Variants in CEP85L observed in about 807,000 individuals in gnomAD.
CEP85L encodes the protein centrosomal protein 85L, also known as centrosomal protein of 85 kDa-like.
Under a neutral mutation model 100.3 loss-of-function variants are expected in CEP85L, and 60 were observed. The observed-to-expected ratio is 0.60, with a 90% CI of 0.49 to 0.74. The LOEUF (loss-of-function observed/expected upper bound fraction) is 0.74. Among genes scored for constraint, CEP85L ranks in the 30% least tolerant of loss-of-function variants. The pLI is 0.00. For synonymous variants in CEP85L, 319 were observed against 322.7 expected (o/e 0.99, Z 0.12); for missense variants, 973 against 936.2 (o/e 1.04, Z -0.51).
intron 3 of CEP85L, among the ~76,000 whole-genome samples, chr6:118,557,474 G>A (rs1778944999): frequency 6.6e-6 from 1 of 152,108 alleles, no homozygotes; most frequent in Non-Finnish European, 1.5e-5. Flanking sequence ...GTATGTGTGG[G>A]GCTTGCATAT....
Position 118,651,430 on chromosome 6 carries a change from G to C in CEP85L, c.-161C>G, listed in dbSNP as rs1269082639. 1.5e-6 allele frequency: 2 copies of C among 1,338,022 alleles called. No individual in the cohort carries two copies. Among genetic ancestry groups the C allele is most frequent in the Non-Finnish European group, 1.9e-6 (2 of 1,048,508 alleles). 82.9% of individuals were successfully genotyped at this position (1,338,022 alleles called of 1,614,324 possible). ...ACGGCTGCTCAGCTACGGGCGGGGA[G>C]CGCAGGGGCCAGATTCGCCGCACTG... On this transcript the variant is annotated 5_prime_UTR_variant, in exon 1 of 13. Transcript: ENST00000368491.
chr6:118,491,081 A>G (rs952147596), intron 6 of CEP85L, among the ~76,000 whole-genome samples: 1 of 152,010 alleles, frequency 6.6e-6, no homozygotes, highest in African/African-American at 2.4e-5. Context: ...CTCTACTTTT[A>G]GTTGTTTAAG....
rs1468546118 is a variant in CEP85L at position 118,465,381 on chromosome 6, T to C, written c.*24A>G. The stretch of plus-strand genomic sequence containing the variant: ...CAGCAGCATTTAAACAACAGGTCAT[T>C]ATTGCTGTGGGACTAACACTTGATC... On this transcript the variant is annotated 3_prime_UTR_variant, in exon 13 of 13. Coordinates refer to ENST00000368491, the MANE Select transcript of CEP85L (RefSeq NM_001042475.3). 1 of 1,607,278 alleles carries C rather than the reference T, an allele frequency of 6.2e-7. No homozygotes were observed. Among genetic ancestry groups the C allele is most frequent in the Non-Finnish European group, 8.5e-7 (1 of 1,175,746 alleles).
At chr6:118,515,764 A>G (rs1371573848) in intron 4 of CEP85L, among the ~76,000 whole-genome samples, 1 of 152,168 alleles carries the variant, frequency 6.6e-6, no homozygotes, top group Non-Finnish European at 1.5e-5. Context: ...TTTATTTTTT[A>G]TTTTATTATA....
chr6:118,496,584 A>T (rs1774942798), intron 5 of CEP85L, among the ~76,000 whole-genome samples: 2 of 151,386 alleles, frequency 1.3e-5, no homozygotes, highest in African/African-American at 4.9e-5. Context: ...CGAACTCCTG[A>T]CCTCGTGATC....
At chr6:118,617,224 T>C (rs942996611) in intron 2 of CEP85L, among the ~76,000 whole-genome samples, 1 of 152,096 alleles carries the variant, frequency 6.6e-6, no homozygotes, top group African/African-American at 2.4e-5. Context: ...GTATAATATA[T>C]GCTTAAAATA....
intron 3 of CEP85L, among the ~76,000 whole-genome samples, chr6:118,560,985 T>G (rs1382292532): frequency 3.3e-5 from 5 of 152,188 alleles, no homozygotes; most frequent in Non-Finnish European, 7.3e-5. Context: ...TAAAACATGG[T>G]TACTAAAAGA....
chr6:118,636,689 C>T (rs140532765), intron 1 of CEP85L, among the ~76,000 whole-genome samples: 18 of 152,340 alleles, frequency 1.2e-4, no homozygotes, highest in African/African-American at 4.1e-4. Context: ...ATCCCCTAAG[C>T]AGAAGAGAAT....
chr6:118,559,027 T>C, intron 3 of CEP85L: 1 of 1,610,590 alleles, frequency 6.2e-7, no homozygotes, highest in Non-Finnish European at 8.5e-7. Context: ...TATCAATTTC[T>C]GTCTCATCTT....
intron 2 of CEP85L, among the ~76,000 whole-genome samples, chr6:118,597,571 A>G (rs1781521336): frequency 6.6e-6 from 1 of 152,354 alleles, no homozygotes; most frequent in South Asian, 2.1e-4. Context: ...TTAACATTTG[A>G]TGAATTACTC....
chr6:118,539,719 T>C (rs1013716448), intron 3 of CEP85L, among the ~76,000 whole-genome samples: 1 of 152,104 alleles, frequency 6.6e-6, no homozygotes, highest in Non-Finnish European at 1.5e-5. Flanking sequence ...AAGCCCCGCA[T>C]GCATTAGGTA....
chr6:118,590,142 C>G (rs1363331629), intron 2 of CEP85L, among the ~76,000 whole-genome samples: 5 of 152,078 alleles, frequency 3.3e-5, no homozygotes, highest in African/African-American at 1.2e-4. Flanking sequence ...GGTCAAGCCC[C>G]CCTCACTCTG....
chr6:118,584,801 T>C (rs1327383390), intron 2 of CEP85L, among the ~76,000 whole-genome samples: 1 of 152,254 alleles, frequency 6.6e-6, no homozygotes, highest in African/African-American at 2.4e-5. Flanking sequence ...CCACCTAACG[T>C]GGCAGGACTA....
At chr6:118,668,511 T>C (rs1776200507) in intron 1 of CEP85L, among the ~76,000 whole-genome samples, 1 of 152,200 alleles carries the variant, frequency 6.6e-6, no homozygotes, top group Admixed American at 6.5e-5. Flanking sequence ...CTCGGAAGGC[T>C]GAGGTGGGAG....
chr6:118,524,313 A>G (rs186104495), intron 3 of CEP85L, among the ~76,000 whole-genome samples: 4 of 152,172 alleles, frequency 2.6e-5, no homozygotes, highest in South Asian at 2.1e-4. Context: ...GCGTGGTGGC[A>G]GGCGCCTGTA....
At chr6:118,600,341 G>GTGTGTGTGTT (rs1781705443) in intron 2 of CEP85L, among the ~76,000 whole-genome samples, 1 of 134,244 alleles carries the variant, frequency 7.4e-6, no homozygotes, top group African/African-American at 2.8e-5. Context: ...GTGTGTGTGT[G>GTGTGTGTGTT]TGTGTGTGTG....
At chr6:118,691,502 T>TA (rs1777042536) in intron 1 of CEP85L, among the ~76,000 whole-genome samples, 1 of 130,668 alleles carries the variant, frequency 7.7e-6, no homozygotes. Flanking sequence ...CATTGCACTC[T>TA]AGCCTGGGCA....
intron 3 of CEP85L, among the ~76,000 whole-genome samples, chr6:118,534,316 T>C (rs545067686): frequency 6.6e-6 from 1 of 152,144 alleles, no homozygotes; most frequent in African/African-American, 2.4e-5. Flanking sequence ...AAAAATGTAA[T>C]AAATTATGTG....
chr6:118,498,263 G>A (rs910882418), intron 5 of CEP85L, among the ~76,000 whole-genome samples: 5 of 152,164 alleles, frequency 3.3e-5, no homozygotes, highest in Non-Finnish European at 5.9e-5. Flanking sequence ...AGAGGCTGAG[G>A]CAGGAGGATC....
Sources: gnomAD v4.1 joint callset for allele counts (sites outside exome capture counted in the v4.1 genomes callset) on GRCh38, gnomAD v4.1.1 for gene constraint, MANE v1.5 for transcripts, NCBI Gene and HGNC (gene_info 2026-07-23, HGNC 2026-07-21) for gene names.